HPCAL1: variants seen among roughly 807,000 people sequenced by gnomAD.
HPCAL1 encodes the protein hippocalcin-like protein 1.
In HPCAL1, 8 loss-of-function variants were observed where a neutral mutation model predicts 17.1. The ratio of observed to expected loss-of-function variants is 0.47; its 90% CI spans 0.27 to 0.84. HPCAL1 has a LOEUF of 0.84. Among genes scored for constraint, HPCAL1 ranks in the 40% least tolerant of loss-of-function variants. The pLI is 0.13. For synonymous variants in HPCAL1, 112 were observed against 111.4 expected, an observed-to-expected ratio of 1.01 and a Z score of -0.03; for missense variants, 165 against 271.1, an observed-to-expected ratio of 0.61 and a Z score of 2.75.
At chr2:10,399,255 A>G (rs1440124170) in intron 2 of HPCAL1, among the ~76,000 whole-genome samples, 5 of 144,970 alleles carry the variant, frequency 3.4e-5, no homozygotes, top group Admixed American at 6.9e-5. Context: ...CACCACCACC[A>G]CCACCATCAC....
chr2:10,337,275 G>A (rs927627130), intron 1 of HPCAL1, among the ~76,000 whole-genome samples: 1 of 152,108 alleles, frequency 6.6e-6, no homozygotes, highest in Non-Finnish European at 1.5e-5. Context: ...CTCCTTTCGT[G>A]TCTTCGTGCC....
intron 1 of HPCAL1, among the ~76,000 whole-genome samples, chr2:10,306,761 A>G (rs1447305786): frequency 3.9e-5 from 6 of 152,218 alleles, no homozygotes; most frequent in African/African-American, 9.7e-5. Context: ...CAAGATTTTT[A>G]AATCATCTGA....
chr2:10,340,252 C>T (rs971237631), intron 1 of HPCAL1, among the ~76,000 whole-genome samples: 4 of 152,160 alleles, frequency 2.6e-5, no homozygotes, highest in African/African-American at 9.7e-5. Flanking sequence ...ATCCCAGTTA[C>T]CTTTCTTGAA....
In HPCAL1 at chr2:10,419,197, G is replaced by C. The variant is rs1337419327; in HGVS notation, c.-24-537G>C. On this transcript the variant is annotated intron_variant, in intron 2 of 4. Transcript: ENST00000307845. This position sits in a 1 kb window ranked among gnomAD's most constrained non-coding sequence, Gnocchi z 5.0. ...CTGCACTGCAGCCTGGGCGACAAGA[G>C]CAAAACTCCATCTCAAAAGAAACAA... Among the ~76,000 whole-genome samples, 1 of 151,956 alleles carries C rather than the reference G, an allele frequency of 6.6e-6. No homozygotes were observed. Among genetic ancestry groups the C allele is most frequent in the Non-Finnish European group, 1.5e-5 (1 of 68,000 alleles).
At chr2:10,338,798 C>T (rs1009545718) in intron 1 of HPCAL1, among the ~76,000 whole-genome samples, 1 of 152,164 alleles carries the variant, frequency 6.6e-6, no homozygotes, top group Non-Finnish European at 1.5e-5. Flanking sequence ...GTCGCCTCCA[C>T]TTGATAGAGG....
chr2:10,338,947 C>T (rs1474116246), intron 1 of HPCAL1, among the ~76,000 whole-genome samples: 3 of 152,100 alleles, frequency 2.0e-5, no homozygotes, highest in Non-Finnish European at 4.4e-5. Context: ...TGCTTTACTC[C>T]TGTTATCTCA....
intron 1 of HPCAL1, among the ~76,000 whole-genome samples, chr2:10,338,113 A>T (rs60661460): frequency 6.6e-6 from 1 of 152,038 alleles, no homozygotes; most frequent in Non-Finnish European, 1.5e-5. Flanking sequence ...TTCTGTGTAC[A>T]TGAGCGGTGC....
chr2:10,335,006 T>C (rs1409899153), intron 1 of HPCAL1, among the ~76,000 whole-genome samples: 1 of 152,214 alleles, frequency 6.6e-6, no homozygotes, highest in Non-Finnish European at 1.5e-5. Flanking sequence ...ATCGTTTCTC[T>C]AGTCATATAC....
At chr2:10,397,961 G>A (rs1339564307) in intron 2 of HPCAL1, among the ~76,000 whole-genome samples, 2 of 152,238 alleles carry the variant, frequency 1.3e-5, no homozygotes, top group African/African-American at 2.4e-5. Context: ...GTCAATGCGA[G>A]ATCAGACCTG....
intron 1 of HPCAL1, among the ~76,000 whole-genome samples, chr2:10,349,076 T>G (rs1359063868): frequency 6.6e-6 from 1 of 152,198 alleles, no homozygotes; most frequent in African/African-American, 2.4e-5. Context: ...TGTTTATCTT[T>G]GTGGCACAGG....
At chr2:10,398,567 C>T (rs1280062551) in intron 2 of HPCAL1, among the ~76,000 whole-genome samples, 10 of 152,182 alleles carry the variant, frequency 6.6e-5, no homozygotes, top group East Asian at 1.9e-4. Flanking sequence ...GTCCCGCAGC[C>T]GGTCAGCCCA....
intron 1 of HPCAL1, among the ~76,000 whole-genome samples, chr2:10,332,576 A>C (rs1003295001): frequency 1.1e-4 from 16 of 152,260 alleles, no homozygotes; most frequent in Non-Finnish European, 1.9e-4. Context: ...TTGGAGGAAA[A>C]TAAGAGTCAG....
intron 1 of HPCAL1, among the ~76,000 whole-genome samples, chr2:10,329,769 G>A (rs1018494777): frequency 6.6e-6 from 1 of 152,190 alleles, no homozygotes; most frequent in African/African-American, 2.4e-5. Flanking sequence ...TGGGCTCCAG[G>A]TGGGCCTGGG....
intron 1 of HPCAL1, among the ~76,000 whole-genome samples, chr2:10,309,858 C>T (rs1246722106): frequency 6.6e-6 from 1 of 152,216 alleles, no homozygotes. Flanking sequence ...CCATTGTACG[C>T]CAGGTAGATC....
In HPCAL1 at chr2:10,419,841, G is replaced by A. The variant is rs1359551533; in HGVS notation, c.84G>A (p.Gln28=). The A allele has an allele frequency of 7.4e-6, 12 of 1,613,672 alleles. No individual in the cohort carries two copies. The highest frequency in any genetic ancestry group is 1.3e-5 in the African/African-American group (1 of 74,920). Residue 28 remains glutamine (Q), a synonymous_variant, in exon 3 of 5, where the codon CAG becomes CAA. Transcript: ENST00000307845. The surrounding 1 kb of genome is among the most constrained non-coding windows in gnomAD (Gnocchi z 5.0). ...CGGAGTTCACCGACCACGAGCTGCAGGAGTGGTACAAGGGCTTCCTCAAGG... is the reference window on the plus strand; with the variant it reads ...CGGAGTTCACCGACCACGAGCTGCAAGAGTGGTACAAGGGCTTCCTCAAGG... ...ENTEFTDHEL[Q]EWYKGFLKDC...
At position 10,330,717 on chromosome 2, in the gene HPCAL1, A is replaced by G. The variant is rs1333087294; in HGVS notation, c.-111+27540A>G. Among the ~76,000 whole-genome samples the G allele has an allele frequency of 6.6e-6, 1 of 152,194 alleles. No individual in the cohort carries two copies. Among genetic ancestry groups the G allele is most frequent in the Non-Finnish European group, 1.5e-5 (1 of 68,038 alleles). ...CTTCAAAGTCCCTGTGTCCAAATAC[A>G]GTCACATCTGGAGGTAGTAAGGATT... is the stretch of plus-strand genomic sequence containing the variant. On this transcript the variant is annotated intron_variant, in intron 1 of 4. Transcript: ENST00000307845. The surrounding 1 kb of genome is among the most constrained non-coding windows in gnomAD (Gnocchi z 4.2).
intron 2 of HPCAL1, among the ~76,000 whole-genome samples, chr2:10,407,018 C>G (rs971959812): frequency 6.6e-6 from 1 of 152,076 alleles, no homozygotes; most frequent in African/African-American, 2.4e-5. Context: ...GAGTGATGTT[C>G]GCTCTATGAT....
At chr2:10,383,477 C>T (rs1030096952) in intron 1 of HPCAL1, among the ~76,000 whole-genome samples, 1 of 152,072 alleles carries the variant, frequency 6.6e-6, no homozygotes, top group Non-Finnish European at 1.5e-5. Context: ...ATTCTTTTGC[C>T]TCAGCCTGCC....
At chr2:10,410,433 C>CTTTT (rs1375538450) in intron 2 of HPCAL1, among the ~76,000 whole-genome samples, 2 of 75,936 alleles carry the variant, frequency 2.6e-5, no homozygotes, top group African/African-American at 4.3e-5. Flanking sequence ...TTTTCTTCTT[C>CTTTT]TTCTTTTTTT....
Sources: allele counts gnomAD v4.1 joint callset (sites outside exome capture counted in the v4.1 genomes callset), GRCh38; gene constraint gnomAD v4.1.1; non-coding constraint Gnocchi (gnomAD v3.1); transcripts MANE v1.5; gene names NCBI Gene and HGNC (gene_info 2026-07-23, HGNC 2026-07-21).